The following CILK1 variants were observed in gnomAD, a reference collection of about 807,000 sequenced individuals.
CILK1 encodes the protein ciliogenesis associated kinase 1.
A neutral mutation model predicts 79.2 loss-of-function variants in CILK1; 47 were observed. That is an observed-to-expected ratio of 0.59 (90% CI 0.47 to 0.76). CILK1 has a LOEUF of 0.76. CILK1 is among the 30% of genes least tolerant of loss of function. The probability of loss-of-function intolerance (pLI) is 0.00; values close to 1 mark genes in which losing one functional copy is unlikely to be tolerated. For synonymous variants in CILK1, 266 were observed against 275.9 expected (o/e 0.96, Z 0.36); for missense variants, 660 against 769.5 (o/e 0.86, Z 1.68).
intron 9 of CILK1, 138 bp from the exon 10 acceptor site, chr6:53,012,365 G>T: frequency 1.3e-6 from 1 of 745,426 alleles, no homozygotes; most frequent in Non-Finnish European, 2.3e-6. Flanking sequence ...AGGGGCAACT[G>T]TAGAAAACAC....
intron 5 of CILK1, among the ~76,000 whole-genome samples, chr6:53,026,440 C>A (rs764397225): frequency 3.9e-5 from 6 of 152,166 alleles, no homozygotes; most frequent in Non-Finnish European, 8.8e-5. Context: ...TGAGCCACTG[C>A]GCCCAGCCTA....
intron 1 of CILK1, among the ~76,000 whole-genome samples, chr6:53,046,234 A>C (rs1347602455): frequency 6.6e-6 from 1 of 152,222 alleles, no homozygotes; most frequent in African/African-American, 2.4e-5. Flanking sequence ...CTCCTTGATG[A>C]ACTATGGTGA....
rs143435740 is a variant in CILK1, at chr6:53,044,396, T to C, written c.-172-2988A>G. Reference sequence around the variant, plus strand: ...AGTTTCATCCTGAAACCATGGACAGTAGATTAGATAAAAATATTTATCTGT... The same window carrying C: ...AGTTTCATCCTGAAACCATGGACAGCAGATTAGATAAAAATATTTATCTGT... On this transcript the variant is annotated intron_variant, in intron 1 of 13. Transcript: ENST00000676107. 4.1e-3 allele frequency among the ~76,000 whole-genome samples: 626 copies of C among 152,286 alleles called. 7 individuals carry two copies. Among genetic ancestry groups the C allele is most frequent in the South Asian group, 0.031 (150 of 4,818 alleles).
chr6:53,003,555 C>G lies in CILK1; in HGVS notation c.*1594G>C, dbSNP rs1764044169. On this transcript the variant is annotated 3_prime_UTR_variant, in exon 14 of 14. Transcript: ENST00000676107. ...GAGATCGAGGCCGTCCTGGCTAACA[C>G]AGTGAAACCCCGTCTCTACTAAAAA... 2 of 152,066 alleles carry G rather than the reference C, an allele frequency of 1.3e-5. No homozygotes were observed. Among genetic ancestry groups the G allele is most frequent in the South Asian group, 4.2e-4 (2 of 4,802 alleles). 9.4% of individuals were successfully genotyped at this position (152,066 alleles called of 1,614,324 possible). A position where few individuals can be genotyped will look rare whatever the true frequency, so the allele number is the denominator to read the frequency against.
chr6:53,049,170 T>C (rs1767308244), intron 1 of CILK1, among the ~76,000 whole-genome samples: 1 of 152,238 alleles, frequency 6.6e-6, no homozygotes, highest in Non-Finnish European at 1.5e-5. Context: ...ATTGAAGGTC[T>C]CTGTTGAAGA....
At chr6:53,005,950 T>A (rs1407763787) in intron 13 of CILK1, among the ~76,000 whole-genome samples, 1 of 152,058 alleles carries the variant, frequency 6.6e-6, no homozygotes, top group Non-Finnish European at 1.5e-5. Flanking sequence ...CACAGAACAA[T>A]CTCCTGTCTG....
Position 53,006,289 on chromosome 6 carries a change from C to A in CILK1, c.1744+26G>T, listed in dbSNP as rs895275284. 14 of 1,608,422 alleles carry A rather than the reference C, an allele frequency of 8.7e-6. No individual in the cohort carries two copies. In the Admixed American group the frequency reaches 1.8e-4, roughly 21 times the overall value. ...TGAGTAACCATTTGTTGAGTAAATTCATGAATAATTTAAAATACAACTCAC... is the reference window on the plus strand; with the variant it reads ...TGAGTAACCATTTGTTGAGTAAATTAATGAATAATTTAAAATACAACTCAC... On this transcript the variant is annotated intron_variant, in intron 13 of 13. Transcript: ENST00000676107.
chr6:53,003,703 C>G lies in CILK1; in HGVS notation c.*1446G>C, dbSNP rs1232904896. The G allele has an allele frequency of 6.6e-6, 1 of 151,772 alleles. No individual in the cohort carries two copies. The highest frequency in any genetic ancestry group is 6.6e-5 in the Admixed American group (1 of 15,234). The allele number at this position is 151,772 out of a possible 1,614,324, so 9.4% of individuals were successfully genotyped here. A position where few individuals can be genotyped will look rare whatever the true frequency, so the allele number is the denominator to read the frequency against. ...CGCCACTGCACTCCAGCCTGGGTGA[C>G]AGAGTGAGACTCTGTCTCAAAAAAA... is the stretch of plus-strand genomic sequence containing the variant. On this transcript the variant is annotated 3_prime_UTR_variant, in exon 14 of 14. Coordinates refer to ENST00000676107, the MANE Select transcript of CILK1 (RefSeq NM_014920.5).
At chr6:53,028,146 CAAAAAAAAA>C (rs59053012) in intron 5 of CILK1, among the ~76,000 whole-genome samples, 3 of 63,490 alleles carry the variant, frequency 4.7e-5, no homozygotes, top group Non-Finnish European at 6.4e-5. Context: ...GACTCCGTCT[CAAAAAAAAA>C]AAAAAAAAAA....
chr6:53,013,518 G>T lies in CILK1; in HGVS notation c.1152+144C>A, dbSNP rs138163265. The T allele has an allele frequency of 1.2e-3, 991 of 795,612 alleles. 1 individual carries two copies. The highest frequency in any genetic ancestry group is 1.6e-3 in the Non-Finnish European group (778 of 489,236). 49.3% of individuals were successfully genotyped at this position (795,612 alleles called of 1,614,324 possible). ...TTAGATCTTTCACTCCAAAGCCAAG[G>T]GTCTTTACAATTCCATGCTGTTGCA... On this transcript the variant is annotated intron_variant, in intron 9 of 13. Transcript: ENST00000676107.
Position 53,018,489 on chromosome 6 carries a change from T to C in CILK1, c.504A>G (p.Pro168=), listed in dbSNP as rs756001535. The C allele has an allele frequency of 9.9e-6, 16 of 1,614,064 alleles. No homozygotes were observed. Among genetic ancestry groups the C allele is most frequent in the East Asian group, 4.5e-5 (2 of 44,896 alleles). Reference sequence around the variant, plus strand: ...AGTTGGTAGACCTCAGGAGTACTTCTGGAGCCCTGTACCTGGAGGAACAAA... The same window carrying C: ...AGTTGGTAGACCTCAGGAGTACTTCCGGAGCCCTGTACCTGGAGGAACAAA... ...DYVSTRWYRA[P]EVLLRSTNYS... Residue 168 remains proline, a synonymous_variant, in exon 7 of 14, where the codon CCA becomes CCG. Coordinates refer to ENST00000676107, the MANE Select transcript of CILK1 (RefSeq NM_014920.5).
At chr6:53,006,531 T>C (rs537595526) in intron 12 of CILK1, 94 bp from the exon 13 acceptor site, 1 of 1,414,512 alleles carries the variant, frequency 7.1e-7, no homozygotes, top group Non-Finnish European at 9.8e-7. Flanking sequence ...AATAACAAAC[T>C]AAGTTTTTAC....
At position 53,002,411 on chromosome 6, in the gene CILK1, CT is replaced by C. The variant is rs1316886832; in HGVS notation, c.*2737del. Reference sequence around the variant, plus strand: ...AGGTACAGTTACAGGTATATCATTTCTGTTGGTGTCTTACATTACATTTCAT... The same window carrying C: ...AGGTACAGTTACAGGTATATCATTTCGTTGGTGTCTTACATTACATTTCAT... On this transcript the variant is annotated 3_prime_UTR_variant, in exon 14 of 14. Transcript: ENST00000676107. 1 of 152,162 alleles carries C rather than the reference CT, an allele frequency of 6.6e-6. No homozygotes were observed. The highest frequency in any genetic ancestry group is 1.9e-4 in the East Asian group (1 of 5,198). 9.4% of individuals were successfully genotyped at this position (152,162 alleles called of 1,614,324 possible). A position where few individuals can be genotyped will look rare whatever the true frequency, so the allele number is the denominator to read the frequency against.
chr6:53,029,522 A>C (rs1676338903), intron 5 of CILK1, among the ~76,000 whole-genome samples: 1 of 152,158 alleles, frequency 6.6e-6, no homozygotes, highest in Admixed American at 6.5e-5. Flanking sequence ...TTTAGTCTCT[A>C]ATTGTAAGCA....
At position 53,019,141 on chromosome 6, in the gene CILK1, C is replaced by T. The variant is rs143551442; in HGVS notation, c.491+86G>A. ...ACTGTTTCTCTTAGTGAAAAGTTAA[C>T]ATTTGTGACTTTAATATTATCCTTA... On this transcript the variant is annotated intron_variant, in intron 6 of 13. Transcript: ENST00000676107. 6.9e-5 allele frequency: 90 copies of T among 1,309,470 alleles called. No homozygotes were observed. In the African/African-American group the frequency reaches 1.1e-3, roughly 16 times the overall value. 81.1% of individuals were successfully genotyped at this position (1,309,470 alleles called of 1,614,324 possible). A position where few individuals can be genotyped will look rare whatever the true frequency, so the allele number is the denominator to read the frequency against.
chr6:53,003,961 T>C lies in CILK1; in HGVS notation c.*1188A>G, dbSNP rs1764074210. The C allele has an allele frequency of 6.6e-6, 1 of 152,612 alleles. No homozygotes were observed. The highest frequency in any genetic ancestry group is 1.5e-5 in the Non-Finnish European group (1 of 68,028). 9.5% of individuals were successfully genotyped at this position (152,612 alleles called of 1,614,324 possible). On this transcript the variant is annotated 3_prime_UTR_variant, in exon 14 of 14. Transcript: ENST00000676107. ...GTCTTTTTCTGTCTCCAAACTGACT[T>C]TGTCATTTTTGAAACTGCTGTAAAC...
intron 5 of CILK1, among the ~76,000 whole-genome samples, chr6:53,024,702 C>T (rs1765458857): frequency 6.6e-6 from 1 of 152,132 alleles, no homozygotes; most frequent in South Asian, 2.1e-4. Flanking sequence ...CATTTTCTTA[C>T]TCCACAGATG....
At chr6:53,013,604 TG>T (rs1764713892) in intron 9 of CILK1, 57 bp downstream of exon 9, 4 of 1,479,200 alleles carry the variant, frequency 2.7e-6, no homozygotes, top group Non-Finnish European at 3.8e-6. Context: ...CACACAATAA[TG>T]GGGTCAGAAG....
intron 8 of CILK1, 147 bp from the exon 9 acceptor site, chr6:53,014,129 T>C (rs950940952): frequency 1.4e-6 from 1 of 696,148 alleles, no homozygotes; most frequent in African/African-American, 1.8e-5. Flanking sequence ...TAACACCCCT[T>C]GTGATTTTTC....
Sources: allele counts gnomAD v4.1 joint callset (sites outside exome capture counted in the v4.1 genomes callset), GRCh38; gene constraint gnomAD v4.1.1; transcripts MANE v1.5; gene names NCBI Gene and HGNC (gene_info 2026-07-23, HGNC 2026-07-21).